The following SEC31B variants were observed in gnomAD, a reference collection of about 807,000 sequenced individuals.
SEC31B encodes SEC31 homolog B, COPII component.
Under a neutral mutation model 135.0 loss-of-function variants are expected in SEC31B, and 113 were observed. That is an observed-to-expected ratio of 0.84 (90% confidence interval 0.72 to 0.98). The LOEUF is 0.98. Ranked by LOEUF, SEC31B falls within the 50% of genes least tolerant of loss-of-function variation. The probability of loss-of-function intolerance (pLI) is 0.00; values close to 1 mark genes in which losing one functional copy is unlikely to be tolerated. For missense variants in SEC31B, 1,296 were observed against 1,421.1 expected, an observed-to-expected ratio of 0.91 and a Z score of 1.42; for synonymous variants, 508 against 549.4, an observed-to-expected ratio of 0.92 and a Z score of 1.05.
At chr10:100,516,307 C>G in intron 2 of SEC31B, 88 bp from the exon 3 acceptor site, 1 of 1,448,854 alleles carries the variant, frequency 6.9e-7, no homozygotes, top group Non-Finnish European at 9.4e-7. Context: ...AGAGAAGGAA[C>G]AGAAGAGGGC....
intron 6 of SEC31B, 128 bp downstream of exon 6, chr10:100,507,780 G>T: frequency 7.3e-7 from 1 of 1,378,226 alleles, no homozygotes. Context: ...TAGGAAATGT[G>T]CTAAGCGGCT....
rs1398657758 is a variant in SEC31B, at chr10:100,497,464, T to TA, written c.1991-185dup. The stretch of plus-strand genomic sequence containing the variant: ...CACATCATGGTGTGACAAGACAAGG[T>TA]AAAACAGGACAACAAAGGATCCCCT... On this transcript the variant is annotated intron_variant, in intron 16 of 25. Coordinates refer to ENST00000370345, the MANE Select transcript of SEC31B (RefSeq NM_015490.4). 6.8e-6 allele frequency: 10 copies of TA among 1,472,006 alleles called. No individual in the cohort carries two copies. The African/African-American group carries it at 1.3e-4, about 19-fold the overall frequency. 91.2% of individuals were successfully genotyped at this position (1,472,006 alleles called of 1,614,324 possible).
intron 20 of SEC31B, 83 bp from the exon 21 acceptor site, chr10:100,490,405 G>GC: frequency 7.4e-7 from 1 of 1,345,458 alleles, no homozygotes; most frequent in Non-Finnish European, 1.0e-6. Context: ...AAACAGGATT[G>GC]CAATAAAAAA....
At chr10:100,503,101 C>T (rs949960759) in intron 10 of SEC31B, among the ~76,000 whole-genome samples, 1 of 152,196 alleles carries the variant, frequency 6.6e-6, no homozygotes, top group Admixed American at 6.5e-5. Flanking sequence ...CAGCATCTCT[C>T]TCCCTGCTTG....
chr10:100,506,418 C>G lies in SEC31B; in HGVS notation c.785G>C (p.Gly262Ala). Residue 262 changes from glycine to alanine, a missense_variant and splice_region_variant, in exon 8 of 26, where the codon GGG becomes GCG. Gly to Ala is a moderately conservative substitution (Grantham distance 60, BLOSUM62 0). Transcript: ENST00000370345. ...CTGGCTCCATGACACTGACAAGATCCCCCTAAAAAGAGAAGGGAAGAGGAA... is the reference window on the plus strand; with the variant it reads ...CTGGCTCCATGACACTGACAAGATCGCCCTAAAAAGAGAAGGGAAGAGGAA... Reference protein sequence around the residue: ...PLKVLESHSRGILSVSWSQAD... With the variant: ...PLKVLESHSRAILSVSWSQAD... 1 of 1,613,990 alleles carries G rather than the reference C, an allele frequency of 6.2e-7. No homozygotes were observed. Among genetic ancestry groups the G allele is most frequent in the Non-Finnish European group, 8.5e-7 (1 of 1,179,964 alleles).
Position 100,506,600 on chromosome 10 carries a change from C to T in SEC31B, c.783-180G>A, listed in dbSNP as rs1318784840. 6.5e-6 allele frequency: 4 copies of T among 616,998 alleles called. No individual in the cohort carries two copies. The Admixed American group carries it at 1.2e-4, about 18-fold the overall frequency. The allele number at this position is 616,998 out of a possible 1,614,324, so 38.2% of individuals were successfully genotyped here. A position where few individuals can be genotyped will look rare whatever the true frequency, so the allele number is the denominator to read the frequency against. Reference sequence around the variant, plus strand: ...GGTTTTGAAAAATTAAGTAACTTTCCAACAGTTGCAGAGTCAGAACCCAAA... The same window carrying T: ...GGTTTTGAAAAATTAAGTAACTTTCTAACAGTTGCAGAGTCAGAACCCAAA... On this transcript the variant is annotated intron_variant, in intron 7 of 25. Coordinates refer to ENST00000370345, the MANE Select transcript of SEC31B (RefSeq NM_015490.4).
chr10:100,487,920 G>T, intron 25 of SEC31B, 107 bp downstream of exon 25: 3 of 1,507,206 alleles, frequency 2.0e-6, no homozygotes, highest in Middle Eastern at 1.9e-4. Context: ...ATTTTGTGGG[G>T]AACCCAGGTC....
intron 15 of SEC31B, 53 bp downstream of exon 15, chr10:100,497,976 T>C: frequency 6.3e-7 from 1 of 1,598,550 alleles, no homozygotes; most frequent in Non-Finnish European, 8.6e-7. Context: ...GGTATCCACC[T>C]CACAAGGTCC....
At chr10:100,492,208 G>A (rs1564648436) in intron 19 of SEC31B, among the ~76,000 whole-genome samples, 1 of 152,170 alleles carries the variant, frequency 6.6e-6, no homozygotes, top group Non-Finnish European at 1.5e-5. Context: ...AACAAGGCAA[G>A]AACATTCATG....
intron 10 of SEC31B, among the ~76,000 whole-genome samples, chr10:100,503,892 C>A (rs1226869101): frequency 6.6e-6 from 1 of 152,082 alleles, no homozygotes; most frequent in Non-Finnish European, 1.5e-5. Flanking sequence ...CCTAACTATT[C>A]ACCATTTCTT....
At position 100,509,002 on chromosome 10, in the gene SEC31B, C is replaced by T. The variant is rs1228972709; in HGVS notation, c.495+5G>A. 3 of 1,611,784 alleles carry T rather than the reference C, an allele frequency of 1.9e-6. No individual in the cohort carries two copies. The South Asian group carries it at 3.3e-5, about 18-fold the overall frequency. On this transcript the variant is annotated splice_donor_5th_base_variant and intron_variant, in intron 5 of 25. Coordinates refer to ENST00000370345, the MANE Select transcript of SEC31B (RefSeq NM_015490.4). ...CCAGGGTTGGGTAGTGGGGGTGCTG[C>T]TCACCTGTGACTTGGATCCCAGGGT...
At chr10:100,504,055 C>T (rs1589736760) in intron 10 of SEC31B, among the ~76,000 whole-genome samples, 1 of 152,148 alleles carries the variant, frequency 6.6e-6, no homozygotes, top group Non-Finnish European at 1.5e-5. Flanking sequence ...AAAGTGTGTA[C>T]ATATATTCTT....
intron 10 of SEC31B, among the ~76,000 whole-genome samples, chr10:100,502,801 C>T (rs565534489): frequency 6.6e-6 from 1 of 152,108 alleles, no homozygotes; most frequent in Non-Finnish European, 1.5e-5. Flanking sequence ...GTCTTCATAC[C>T]CCCTATAGCC....
rs181275879 is a variant in SEC31B at position 100,506,109 on chromosome 10, G to A, written c.975C>T (p.Asn325=). 1.4e-4 allele frequency: 229 copies of A among 1,614,176 alleles called. No homozygotes were observed. Among genetic ancestry groups the A allele is most frequent in the South Asian group, 1.2e-3 (113 of 91,086 alleles). Residue 325 remains asparagine, a synonymous_variant, in exon 9 of 26, where the codon AAC becomes AAT. Transcript: ENST00000370345. ...TCACAGAGTACAAACTGATCCAGCC[G>A]TTGAAGGAGGCAGCAGAGAACACTG... ...DPSVFSAASF[N]GWISLYSVMG...
Position 100,487,079 on chromosome 10 carries a change from C to G in SEC31B, c.*537G>C, listed in dbSNP as rs1305790913. 1.9e-5 allele frequency: 3 copies of G among 156,990 alleles called. No individual in the cohort carries two copies. Among genetic ancestry groups the G allele is most frequent in the African/African-American group, 7.2e-5 (3 of 41,468 alleles). 9.7% of individuals were successfully genotyped at this position (156,990 alleles called of 1,614,324 possible). A position where few individuals can be genotyped will look rare whatever the true frequency, so the allele number is the denominator to read the frequency against. On this transcript the variant is annotated 3_prime_UTR_variant, in exon 26 of 26. Coordinates refer to ENST00000370345, the MANE Select transcript of SEC31B (RefSeq NM_015490.4). ...TCTCTTGGTTCTGCTCAGCACCCAT[C>G]CCTCACGTCCATGAGTTGTTCAAAG...
Position 100,502,465 on chromosome 10 carries a change from G to A in SEC31B, c.1199C>T (p.Thr400Ile), listed in dbSNP as rs1851541886. The A allele has an allele frequency of 6.2e-7, 1 of 1,613,208 alleles. No individual in the cohort carries two copies. Among genetic ancestry groups the A allele is most frequent in the Non-Finnish European group, 8.5e-7 (1 of 1,179,802 alleles). The part of the protein sequence containing the change: ...VSFAFGGKLV[T>I]FGLPSTPAHL... ...GGCAGGGGTGCTGGGGAGGCCAAAA[G>A]TAACCAGCTTCCCTCCAAACTGGTG... The change falls in exon 11 of 26, where the codon ACT becomes ATT. Residue 400 changes from threonine (T) to isoleucine (I), a missense_variant. Thr to Ile is a moderately conservative substitution (Grantham distance 89, BLOSUM62 -1). Transcript: ENST00000370345.
chr10:100,507,908 C>T lies in SEC31B; in HGVS notation c.639G>A (p.Arg213=), dbSNP rs1386889103. The T allele has an allele frequency of 6.2e-7, 1 of 1,614,162 alleles. No homozygotes were observed. Among genetic ancestry groups the T allele is most frequent in the Admixed American group, 1.7e-5 (1 of 60,026 alleles). ...PIIKVSDHSN[R]MHCSGLAWHP... Reference sequence around the variant, plus strand: ...CTGTGTTCTGGCCTCCAATACTCACCCTGTTGCTGTGATCACTGACTTTGA... The same window carrying T: ...CTGTGTTCTGGCCTCCAATACTCACTCTGTTGCTGTGATCACTGACTTTGA... Residue 213 remains arginine (R), a splice_region_variant and synonymous_variant, in exon 6 of 26, where the codon AGG becomes AGA. Transcript: ENST00000370345.
rs1217606054 is a variant in SEC31B, at chr10:100,496,433, T to C, written c.2137-2A>G. 1 of 1,613,948 alleles carries C rather than the reference T, an allele frequency of 6.2e-7. No homozygotes were observed. The highest frequency in any genetic ancestry group is 1.1e-5 in the South Asian group (1 of 91,086). On this transcript the variant is annotated splice_acceptor_variant, in intron 17 of 25. Transcript: ENST00000370345. LOFTEE classifies it high-confidence loss of function. ...AACCATCACCTTCTCCATCAGGTCC[T>C]GTAAGGGCAAGGATGAGGGTGGTAA...
At position 100,488,963 on chromosome 10, in the gene SEC31B, C is replaced by T; in HGVS notation, c.3183G>A (p.Leu1061=). 3 of 1,605,932 alleles carry T rather than the reference C, an allele frequency of 1.9e-6. No homozygotes were observed. The highest frequency in any genetic ancestry group is 2.5e-6 in the Non-Finnish European group (3 of 1,177,070). ...CCTTCCTTTCCATCTTCTCAGGTGG[C>T]AGGTGCTGAAGCTGCTGATAAAGAA... is the stretch of plus-strand genomic sequence containing the variant. The part of the protein sequence containing the change: ...PGELSLQLQH[L]PPEKMERKEL... Residue 1061 remains leucine (L), a synonymous_variant, in exon 24 of 26, where the codon CTG becomes CTA. Coordinates refer to ENST00000370345, the MANE Select transcript of SEC31B (RefSeq NM_015490.4).
Sources: gnomAD v4.1 joint callset for allele counts (sites outside exome capture counted in the v4.1 genomes callset) on GRCh38, gnomAD v4.1.1 for gene constraint, MANE v1.5 for transcripts, NCBI Gene and HGNC (gene_info 2026-07-23, HGNC 2026-07-21) for gene names.